Variants in CAND1 observed in about 807,000 individuals in gnomAD.
CAND1 encodes the protein cullin associated and neddylation dissociated 1.
Under a neutral mutation model 108.5 loss-of-function variants are expected in CAND1, and 7 were observed. The observed-to-expected ratio is 0.06, with a 90% confidence interval of 0.04 to 0.12. CAND1 has a LOEUF of 0.12. Among genes scored for constraint, CAND1 ranks in the 10% least tolerant of loss-of-function variants. The probability of loss-of-function intolerance (pLI) is 1.00; values close to 1 mark genes in which losing one functional copy is unlikely to be tolerated. For synonymous variants in CAND1, 534 were observed against 512.0 expected, an observed-to-expected ratio of 1.04 and a Z score of -0.58; for missense variants, 941 against 1,448.7, an observed-to-expected ratio of 0.65 and a Z score of 5.69.
At chr12:67,294,718 T>C (rs2044752888) in intron 3 of CAND1, among the ~76,000 whole-genome samples, 1 of 152,240 alleles carries the variant, frequency 6.6e-6, no homozygotes, top group Non-Finnish European at 1.5e-5. Context: ...AGTTGTCATC[T>C]CTAATTCTTG....
chr12:67,269,635 A>C lies in CAND1; in HGVS notation c.-83A>C. 8.3e-7 allele frequency: 1 copy of C among 1,205,668 alleles called. No homozygotes were observed. Among genetic ancestry groups the C allele is most frequent in the Non-Finnish European group, 1.2e-6 (1 of 836,284 alleles). The allele number at this position is 1,205,668 out of a possible 1,614,324, so 74.7% of individuals were successfully genotyped here. A position where few individuals can be genotyped will look rare whatever the true frequency, so the allele number is the denominator to read the frequency against. On this transcript the variant is annotated 5_prime_UTR_variant, in exon 1 of 15. Transcript: ENST00000545606. ...GGGAGCCGCCGCGAGCGAGAGGAGGAGCTCCAGTGGCGGCGGCGGCGGCGG... is the reference window on the plus strand; with the variant it reads ...GGGAGCCGCCGCGAGCGAGAGGAGGCGCTCCAGTGGCGGCGGCGGCGGCGG...
At chr12:67,310,599 A>G (rs1164646680) in intron 13 of CAND1, 1 of 209,354 alleles carries the variant, frequency 4.8e-6, no homozygotes, top group African/African-American at 2.3e-5. Flanking sequence ...CTTTCCCTCA[A>G]AAAAGTCCCG....
At chr12:67,272,739 C>T (rs2044532446) in intron 1 of CAND1, among the ~76,000 whole-genome samples, 1 of 151,948 alleles carries the variant, frequency 6.6e-6, no homozygotes, top group Admixed American at 6.6e-5. Context: ...TTTCTGTCGC[C>T]AGGCTGTAGT....
intron 3 of CAND1, among the ~76,000 whole-genome samples, chr12:67,293,544 G>A (rs568353405): frequency 1.7e-4 from 26 of 151,910 alleles, no homozygotes; most frequent in Admixed American, 6.6e-4. Flanking sequence ...ACCTGAGGTC[G>A]GGAGTTCAAG....
At chr12:67,271,513 G>C (rs2044520593) in intron 1 of CAND1, among the ~76,000 whole-genome samples, 1 of 152,176 alleles carries the variant, frequency 6.6e-6, no homozygotes, top group Admixed American at 6.5e-5. Context: ...ATTATGTGGT[G>C]ATACCATACA....
At chr12:67,283,579 T>C (rs1442352296) in intron 2 of CAND1, among the ~76,000 whole-genome samples, 1 of 141,822 alleles carries the variant, frequency 7.1e-6, no homozygotes, top group Admixed American at 7.0e-5. Context: ...CAAGACTGTG[T>C]CTCAAAAAAA....
Position 67,297,871 on chromosome 12 carries a change from C to G in CAND1, c.854+18C>G. The G allele has an allele frequency of 6.9e-7, 1 of 1,448,068 alleles. No individual in the cohort carries two copies. The highest frequency in any genetic ancestry group is 9.6e-7 in the Non-Finnish European group (1 of 1,046,024). The allele number at this position is 1,448,068 out of a possible 1,614,324, so 89.7% of individuals were successfully genotyped here. A position where few individuals can be genotyped will look rare whatever the true frequency, so the allele number is the denominator to read the frequency against. On this transcript the variant is annotated intron_variant, in intron 6 of 14. Coordinates refer to ENST00000545606, the MANE Select transcript of CAND1 (RefSeq NM_018448.5). ...GTAAGAAGGTAAGTTTTTAAGATCT[C>G]TATTTTTTACAAAAAGTTTTTCCTT... is the stretch of plus-strand genomic sequence containing the variant.
chr12:67,275,216 A>G (rs370429105), intron 1 of CAND1, among the ~76,000 whole-genome samples: 12 of 152,156 alleles, frequency 7.9e-5, no homozygotes, highest in Non-Finnish European at 1.5e-4. Flanking sequence ...ATTTCTTTAC[A>G]TGAACAATAT....
chr12:67,302,283 T>A (rs778284912), intron 7 of CAND1, 40 bp from the exon 8 acceptor site: 2 of 1,536,558 alleles, frequency 1.3e-6, no homozygotes, highest in African/African-American at 2.7e-5. Flanking sequence ...TATACTTCTC[T>A]TGTCATTAAT....
Position 67,269,681 on chromosome 12 carries a change from T to C in CAND1, c.-37T>C. ...GGCGGCAGCGGCAGCGGGCAGCAGCTCCAGCAGCGCCAGCAGGCGGGATCG... is the reference window on the plus strand; with the variant it reads ...GGCGGCAGCGGCAGCGGGCAGCAGCCCCAGCAGCGCCAGCAGGCGGGATCG... On this transcript the variant is annotated 5_prime_UTR_variant, in exon 1 of 15. Transcript: ENST00000545606. The C allele has an allele frequency of 6.4e-7, 1 of 1,573,934 alleles. No homozygotes were observed. Among genetic ancestry groups the C allele is most frequent in the Non-Finnish European group, 8.6e-7 (1 of 1,157,564 alleles).
In CAND1 at chr12:67,306,190, C is replaced by G. The variant is rs1398586206; in HGVS notation, c.2522C>G (p.Ser841Cys). ...TDSIRLLALL[S>C]LGEVGHHIDL... ...TCCATTCGTCTCTTAGCTCTACTTT[C>G]TCTTGGAGAAGTTGGGCATCATATT... is the stretch of plus-strand genomic sequence containing the variant. Residue 841 changes from serine (S) to cysteine (C), a missense_variant, in exon 10 of 15, where the codon TCT becomes TGT. Coordinates refer to ENST00000545606, the MANE Select transcript of CAND1 (RefSeq NM_018448.5). 1.2e-6 allele frequency: 2 copies of G among 1,613,976 alleles called. No homozygotes were observed. The highest frequency in any genetic ancestry group is 1.7e-6 in the Non-Finnish European group (2 of 1,180,006).
chr12:67,302,837 T>G (rs1420719651), intron 8 of CAND1, among the ~76,000 whole-genome samples: 1 of 152,198 alleles, frequency 6.6e-6, no homozygotes, highest in Non-Finnish European at 1.5e-5. Flanking sequence ...AATTTTAAGA[T>G]TCAGTAAAGT....
At position 67,297,735 on chromosome 12, in the gene CAND1, A is replaced by T; in HGVS notation, c.749-13A>T. The T allele has an allele frequency of 6.3e-7, 1 of 1,589,380 alleles. No homozygotes were observed. The stretch of plus-strand genomic sequence containing the variant: ...TAATGCATGTTTTTAAAGAACCATT[A>T]TGCTTTTCTTAGGTGAATACCTTGA... On this transcript the variant is annotated splice_polypyrimidine_tract_variant and intron_variant, in intron 5 of 14. Coordinates refer to ENST00000545606, the MANE Select transcript of CAND1 (RefSeq NM_018448.5).
rs144591336 is a variant in CAND1, at chr12:67,312,763, C to G, written c.3626C>G (p.Ala1209Gly). 1 of 1,613,458 alleles carries G rather than the reference C, an allele frequency of 6.2e-7. No individual in the cohort carries two copies. The highest frequency in any genetic ancestry group is 1.7e-5 in the Admixed American group (1 of 59,912). ...QSQISSNPELAAIFESIQKDS... is the reference protein window; with the variant it reads ...QSQISSNPELGAIFESIQKDS... Reference sequence around the variant, plus strand: ...CAGATCAGTTCTAACCCTGAGCTGGCGGCTATCTTTGAAAGTATCCAGAAA... The same window carrying G: ...CAGATCAGTTCTAACCCTGAGCTGGGGGCTATCTTTGAAAGTATCCAGAAA... The change falls in exon 15 of 15, where the codon GCG becomes GGG. Residue 1209 changes from alanine (A) to glycine (G), a missense_variant. Transcript: ENST00000545606.
At chr12:67,277,766 C>T (rs576750426) in intron 1 of CAND1, among the ~76,000 whole-genome samples, 3 of 152,212 alleles carry the variant, frequency 2.0e-5, no homozygotes, top group African/African-American at 7.2e-5. Context: ...GGTGAATTTG[C>T]AAATATGGAA....
chr12:67,302,637 A>G lies in CAND1; in HGVS notation c.1293+22A>G, dbSNP rs750852773. On this transcript the variant is annotated intron_variant, in intron 8 of 14. Coordinates refer to ENST00000545606, the MANE Select transcript of CAND1 (RefSeq NM_018448.5). ...TCAGGTGGGTTTTAAAGTAAAGTTT[A>G]GAAAATCATGATAGTAAATGCAATG... is the stretch of plus-strand genomic sequence containing the variant. 6.9e-6 allele frequency: 11 copies of G among 1,587,948 alleles called. No homozygotes were observed. In the African/African-American group the frequency reaches 9.5e-5, roughly 14 times the overall value.
intron 1 of CAND1, among the ~76,000 whole-genome samples, chr12:67,278,972 TG>T (rs2044595317): frequency 6.6e-6 from 1 of 152,230 alleles, no homozygotes; most frequent in African/African-American, 2.4e-5. Flanking sequence ...GTGTGTGCTT[TG>T]GTTAGCCCTT....
At chr12:67,310,932 C>T (rs1271002849) in intron 13 of CAND1, 1 of 151,926 alleles carries the variant, frequency 6.6e-6, no homozygotes, top group African/African-American at 2.4e-5. Context: ...TATAAGTGTT[C>T]TTTGTTTTCC....
intron 1 of CAND1, among the ~76,000 whole-genome samples, chr12:67,272,834 T>C (rs558535683): frequency 1.3e-3 from 197 of 152,234 alleles, no homozygotes; most frequent in Non-Finnish European, 2.3e-3. Flanking sequence ...GTAGCTGGGA[T>C]TACAGGCACA....
Sources: allele counts gnomAD v4.1 joint callset (sites outside exome capture counted in the v4.1 genomes callset), GRCh38; gene constraint gnomAD v4.1.1; transcripts MANE v1.5; gene names NCBI Gene and HGNC (gene_info 2026-07-23, HGNC 2026-07-21).